The following KLHL32 variants were observed in gnomAD, a reference collection of about 807,000 sequenced individuals.
KLHL32 encodes the protein kelch-like protein 32.
A neutral mutation model predicts 64.8 loss-of-function variants in KLHL32; 35 were observed. The observed-to-expected ratio is 0.54, with a 90% CI of 0.41 to 0.72. The LOEUF is 0.72. Among genes scored for constraint, KLHL32 ranks in the 30% least tolerant of loss-of-function variants. The probability of loss-of-function intolerance (pLI) is 0.00; values close to 1 mark genes in which losing one functional copy is unlikely to be tolerated. For missense variants in KLHL32, 589 were observed against 768.5 expected, an observed-to-expected ratio of 0.77 and a Z score of 2.76; for synonymous variants, 259 against 281.0, an observed-to-expected ratio of 0.92 and a Z score of 0.78.
intron 3 of KLHL32, among the ~76,000 whole-genome samples, chr6:96,992,132 G>A (rs1417903842): frequency 6.6e-6 from 1 of 152,236 alleles, no homozygotes; most frequent in Non-Finnish European, 1.5e-5. Context: ...TCAGCCCTGT[G>A]GATTTGCCCC....
chr6:97,135,504 C>T (rs1207734789), intron 10 of KLHL32, among the ~76,000 whole-genome samples: 1 of 151,912 alleles, frequency 6.6e-6, no homozygotes. Flanking sequence ...CACGGGGTTT[C>T]ACCATGCTGG....
In KLHL32 at chr6:97,039,518, CACTTGAA is replaced by C. The variant is rs1185990680; in HGVS notation, c.205-1972_205-1966del. ...CTATAGTTTACAGTAATCTATTGTACACTTGAAAATAGCTAGAAGACAGCCGGGCGCA... is the reference window on the plus strand; with the variant it reads ...CTATAGTTTACAGTAATCTATTGTACAATAGCTAGAAGACAGCCGGGCGCA... On this transcript the variant is annotated intron_variant, in intron 3 of 10. Transcript: ENST00000369261. Among the ~76,000 whole-genome samples, 21 of 105,000 alleles carry C rather than the reference CACTTGAA, an allele frequency of 2.0e-4. 6 individuals are homozygous for C. Among genetic ancestry groups the C allele is most frequent in the African/African-American group, 3.8e-4 (8 of 20,850 alleles). The allele number at this position is 105,000 out of a possible 152,430, so 68.9% of individuals were successfully genotyped here.
intron 3 of KLHL32, among the ~76,000 whole-genome samples, chr6:96,983,750 G>A (rs182193121): frequency 4.5e-4 from 69 of 152,106 alleles, no homozygotes; most frequent in South Asian, 1.9e-3. Flanking sequence ...TTTCTGTTGC[G>A]TCTATTTCAT....
intron 1 of KLHL32, among the ~76,000 whole-genome samples, chr6:96,966,277 A>T (rs1016248723): frequency 6.6e-6 from 1 of 152,218 alleles, no homozygotes; most frequent in Non-Finnish European, 1.5e-5. Flanking sequence ...CAGGACCCAG[A>T]CTATTCAAAT....
At chr6:96,913,996 G>A in the KLHL32 span, among the ~76,000 whole-genome samples, 1 of 152,318 alleles carries the variant, frequency 6.6e-6, no homozygotes, top group South Asian at 2.1e-4. Context: ...TCAACGTAAT[G>A]AGAACCGTCC....
intron 1 of KLHL32, among the ~76,000 whole-genome samples, chr6:96,958,829 G>GA (rs72308130): frequency 2.1e-4 from 32 of 151,156 alleles, no homozygotes; most frequent in African/African-American, 5.1e-4. Flanking sequence ...GAGTGCCAAG[G>GA]AAAAAAAAAT....
upstream of KLHL32, among the ~76,000 whole-genome samples, chr6:96,923,506 AT>A (rs1341666799): frequency 3.3e-5 from 5 of 152,192 alleles, no homozygotes; most frequent in Non-Finnish European, 7.3e-5. Flanking sequence ...GCGTCCAGAT[AT>A]CAAAACCATG....
At chr6:97,044,777 A>G (rs1785665938) in intron 4 of KLHL32, among the ~76,000 whole-genome samples, 1 of 152,008 alleles carries the variant, frequency 6.6e-6, no homozygotes, top group South Asian at 2.1e-4. Context: ...CATTTCTTCT[A>G]GATTATCCAA....
At chr6:96,951,161 A>C (rs907618857) in intron 1 of KLHL32, among the ~76,000 whole-genome samples, 1 of 152,168 alleles carries the variant, frequency 6.6e-6, no homozygotes, top group Non-Finnish European at 1.5e-5. Flanking sequence ...TCAGACTCAC[A>C]TGGTCTCGGT....
chr6:96,911,190 T>G, the KLHL32 span, among the ~76,000 whole-genome samples: 1 of 152,182 alleles, frequency 6.6e-6, no homozygotes, highest in Non-Finnish European at 1.5e-5. Flanking sequence ...GATGGCATAG[T>G]TCTGGTGTGG....
chr6:96,956,935 C>G (rs1773348465), intron 1 of KLHL32, among the ~76,000 whole-genome samples: 1 of 152,124 alleles, frequency 6.6e-6, no homozygotes. Context: ...AAATACACCT[C>G]CAATTTTAGA....
intron 5 of KLHL32, among the ~76,000 whole-genome samples, chr6:97,082,631 A>G (rs1441806514): frequency 6.6e-6 from 1 of 151,652 alleles, no homozygotes; most frequent in East Asian, 1.9e-4. Flanking sequence ...AAAAATAAAT[A>G]AATAAAAAGA....
At chr6:97,100,846 C>A (rs1043863528) in intron 6 of KLHL32, among the ~76,000 whole-genome samples, 3 of 147,628 alleles carry the variant, frequency 2.0e-5, no homozygotes, top group African/African-American at 7.5e-5. Flanking sequence ...CTCTGTTGCC[C>A]AGGCTGGATG....
At chr6:97,044,010 A>G (rs773456882) in intron 4 of KLHL32, among the ~76,000 whole-genome samples, 50 of 151,906 alleles carry the variant, frequency 3.3e-4, no homozygotes, top group Non-Finnish European at 6.0e-4. Flanking sequence ...TTCTCTGGCT[A>G]GAACTTCCAG....
At chr6:97,050,341 A>C (rs1786670658) in intron 4 of KLHL32, among the ~76,000 whole-genome samples, 1 of 152,156 alleles carries the variant, frequency 6.6e-6, no homozygotes, top group Non-Finnish European at 1.5e-5. Context: ...AGGATGTGAA[A>C]AGGTTTATTC....
chr6:97,037,445 A>G (rs1370705089), intron 3 of KLHL32, among the ~76,000 whole-genome samples: 1 of 152,164 alleles, frequency 6.6e-6, no homozygotes, highest in African/African-American at 2.4e-5. Context: ...CAATAGTACA[A>G]AGAATATAAA....
intron 3 of KLHL32, among the ~76,000 whole-genome samples, chr6:96,988,998 A>C (rs1777507029): frequency 6.6e-6 from 1 of 152,206 alleles, no homozygotes. Flanking sequence ...AGATATACCT[A>C]ATGTTAAATG....
chr6:97,058,484 T>C (rs1788363264), intron 4 of KLHL32, among the ~76,000 whole-genome samples: 2 of 152,242 alleles, frequency 1.3e-5, no homozygotes, highest in Non-Finnish European at 2.9e-5. Context: ...CCTGATTGCC[T>C]ACCAATATTC....
chr6:97,085,483 C>T, intron 6 of KLHL32, 142 bp downstream of exon 6: 2 of 701,966 alleles, frequency 2.8e-6, no homozygotes, highest in Non-Finnish European at 4.8e-6. Flanking sequence ...CCTTGATGGA[C>T]AAGTGATTGG....
Sources: gnomAD v4.1 joint callset for allele counts (sites outside exome capture counted in the v4.1 genomes callset) on GRCh38, gnomAD v4.1.1 for gene constraint, MANE v1.5 for transcripts, NCBI Gene and HGNC (gene_info 2026-07-23, HGNC 2026-07-21) for gene names.